PLAG1: variants seen among roughly 807,000 people sequenced by gnomAD.
PLAG1 encodes the protein PLAG1 zinc finger, also known as zinc finger protein PLAG1.
Under a neutral mutation model 35.5 loss-of-function variants are expected in PLAG1, and 7 were observed. That is an observed-to-expected ratio of 0.20 (90% confidence interval 0.11 to 0.37). PLAG1 has a LOEUF of 0.37. Among genes scored for constraint, PLAG1 ranks in the 10% least tolerant of loss-of-function variants. The pLI, the probability that PLAG1 is intolerant of heterozygous loss-of-function variation, is 1.00. For missense variants in PLAG1, 454 were observed against 602.8 expected (o/e 0.75, Z 2.58); for synonymous variants, 229 against 225.4 (o/e 1.02, Z -0.14).
At chr8:56,172,900 G>A (rs1359731731) in intron 2 of PLAG1, among the ~76,000 whole-genome samples, 1 of 152,154 alleles carries the variant, frequency 6.6e-6, no homozygotes, top group African/African-American at 2.4e-5. Context: ...AAGTTTAAAA[G>A]ACAGTTTATA....
rs1043551986 is a variant in PLAG1 at position 56,162,904 on chromosome 8, A to T, written c.*3339T>A. 4.6e-6 allele frequency: 1 copy of T among 217,286 alleles called. No homozygotes were observed. The highest frequency in any genetic ancestry group is 5.8e-5 in the Admixed American group (1 of 17,256). The allele number at this position is 217,286 out of a possible 1,614,324, so 13.5% of individuals were successfully genotyped here. ...AATAGGCAAAAATACACAGCTTGAA[A>T]GAAACACTAAATGAAATAAAAAAGT... is the stretch of plus-strand genomic sequence containing the variant. On this transcript the variant is annotated 3_prime_UTR_variant, in exon 5 of 5. Coordinates refer to ENST00000316981, the MANE Select transcript of PLAG1 (RefSeq NM_002655.3).
chr8:56,193,695 C>CTTT lies in PLAG1; in HGVS notation c.-321-14185_-321-14183dup, dbSNP rs760038291. On this transcript the variant is annotated intron_variant, in intron 1 of 4. Transcript: ENST00000316981. ...ACAGTCAGATCTTTCATTAGGTAAA[C>CTTT]TTTTTTTTTTTTTTTTTTTTGAGAC... 1.9e-3 allele frequency among the ~76,000 whole-genome samples: 253 copies of CTTT among 130,790 alleles called. 4 individuals are homozygous for CTTT. The highest frequency in any genetic ancestry group is 0.01 in the East Asian group (44 of 4,258). The allele number at this position is 130,790 out of a possible 152,430, so 85.8% of individuals were successfully genotyped here. A position where few individuals can be genotyped will look rare whatever the true frequency, so the allele number is the denominator to read the frequency against.
chr8:56,176,744 T>C (rs1159379439), intron 2 of PLAG1, among the ~76,000 whole-genome samples: 1 of 152,044 alleles, frequency 6.6e-6, no homozygotes, highest in African/African-American at 2.4e-5. Context: ...ACAGGTCAGC[T>C]CAATCTGAAA....
intron 1 of PLAG1, among the ~76,000 whole-genome samples, chr8:56,198,218 C>T (rs556513028): frequency 2.0e-4 from 31 of 152,344 alleles, no homozygotes; most frequent in African/African-American, 2.6e-4. Flanking sequence ...GAGGACAGCA[C>T]GTGGTCCTTG....
chr8:56,199,711 G>A (rs1350618139), intron 1 of PLAG1, among the ~76,000 whole-genome samples: 1 of 151,042 alleles, frequency 6.6e-6, no homozygotes, highest in Non-Finnish European at 1.5e-5. Flanking sequence ...CCTGGCACTA[G>A]GCAGTACGTC....
chr8:56,199,040 C>A (rs1164603868), intron 1 of PLAG1, among the ~76,000 whole-genome samples: 1 of 152,204 alleles, frequency 6.6e-6, no homozygotes, highest in East Asian at 1.9e-4. Flanking sequence ...GAGGTAGAGA[C>A]TAAGGCTTCA....
chr8:56,198,444 G>A (rs1812447916), intron 1 of PLAG1, among the ~76,000 whole-genome samples: 1 of 152,214 alleles, frequency 6.6e-6, no homozygotes, highest in African/African-American at 2.4e-5. Flanking sequence ...TGTGCAGAGG[G>A]CAGCACAGAT....
chr8:56,190,121 G>A (rs111940206), intron 1 of PLAG1, among the ~76,000 whole-genome samples: 2,491 of 152,304 alleles, frequency 0.016, 36 homozygotes, highest in Non-Finnish European at 0.026. Context: ...TATGAAGTGA[G>A]ATAATGAAGC....
Position 56,165,320 on chromosome 8 carries a change from AT to A in PLAG1, c.*922del, listed in dbSNP as rs1811322515. On this transcript the variant is annotated 3_prime_UTR_variant, in exon 5 of 5. Transcript: ENST00000316981. ...CACACCTCATGGCTGCAGTTCCACAATGGCTCTAGATTATGGACTAACCGTG... is the reference window on the plus strand; with the variant it reads ...CACACCTCATGGCTGCAGTTCCACAAGGCTCTAGATTATGGACTAACCGTG... 1 of 214,342 alleles carries A rather than the reference AT, an allele frequency of 4.7e-6. No individual in the cohort carries two copies. The highest frequency in any genetic ancestry group is 5.8e-5 in the Admixed American group (1 of 17,140). 13.3% of individuals were successfully genotyped at this position (214,342 alleles called of 1,614,324 possible).
rs545217552 is a variant in PLAG1, at chr8:56,168,040, T to C, written c.230A>G (p.Tyr77Cys). 10 of 1,552,610 alleles carry C rather than the reference T, an allele frequency of 6.4e-6. No individual in the cohort carries two copies. Among genetic ancestry groups the C allele is most frequent in the Non-Finnish European group, 8.8e-6 (10 of 1,131,572 alleles). Residue 77 changes from tyrosine (Y) to cysteine (C), a missense_variant, in exon 4 of 5, where the codon TAC becomes TGC. Physicochemically the swap from Tyr to Cys is radical, Grantham distance 194 (BLOSUM62 -2). This residue lies in a region of PLAG1 where 170 missense variants were observed against 226.3 expected (regional missense o/e 0.75). Transcript: ENST00000316981. ...QDCTKAFVSKYKLQRHMATHS... is the reference protein window; with the variant it reads ...QDCTKAFVSKCKLQRHMATHS... ...TAGAGTTTAATACCTTTGTAATTTGTACTTAGAAACAAAGGCCTTGGTGCA... is the reference window on the plus strand; with the variant it reads ...TAGAGTTTAATACCTTTGTAATTTGCACTTAGAAACAAAGGCCTTGGTGCA...
intron 1 of PLAG1, among the ~76,000 whole-genome samples, chr8:56,203,066 T>C (rs1003481959): frequency 6.6e-6 from 1 of 152,212 alleles, no homozygotes; most frequent in African/African-American, 2.4e-5. Flanking sequence ...CTTTGAAGAA[T>C]AATGAAAATA....
At chr8:56,175,363 G>C (rs1811653779) in intron 2 of PLAG1, among the ~76,000 whole-genome samples, 1 of 152,158 alleles carries the variant, frequency 6.6e-6, no homozygotes, top group African/African-American at 2.4e-5. Flanking sequence ...CTCTCAGTTG[G>C]GGCTGCTGGT....
At chr8:56,174,476 A>T (rs1811630744) in intron 2 of PLAG1, among the ~76,000 whole-genome samples, 1 of 152,194 alleles carries the variant, frequency 6.6e-6, no homozygotes, top group Non-Finnish European at 1.5e-5. Flanking sequence ...AAATAACAGG[A>T]AAAAAACTAT....
At chr8:56,176,046 C>CTTTTTTTTT (rs1309523141) in intron 2 of PLAG1, among the ~76,000 whole-genome samples, 8 of 130,102 alleles carry the variant, frequency 6.1e-5, no homozygotes, top group African/African-American at 1.4e-4. Context: ...TTTTCCTTTT[C>CTTTTTTTTT]TTTTTTTTTT....
intron 2 of PLAG1, among the ~76,000 whole-genome samples, chr8:56,176,640 T>C (rs1248211653): frequency 2.0e-5 from 3 of 151,710 alleles, no homozygotes; most frequent in Non-Finnish European, 4.4e-5. Context: ...TAATCAATAC[T>C]CTATTTTTAG....
rs1169155388 is a variant in PLAG1, at chr8:56,161,143, A to G, written c.*5100T>C. On this transcript the variant is annotated 3_prime_UTR_variant, in exon 5 of 5. Coordinates refer to ENST00000316981, the MANE Select transcript of PLAG1 (RefSeq NM_002655.3). ...GTGATTGCTATTTTACAGAGCTTAT[A>G]CACACACAAAAAATATGATCTTTGT... is the stretch of plus-strand genomic sequence containing the variant. 5.3e-6 allele frequency: 1 copy of G among 190,270 alleles called. No individual in the cohort carries two copies. The highest frequency in any genetic ancestry group is 8.5e-5 in the East Asian group (1 of 11,826). 11.8% of individuals were successfully genotyped at this position (190,270 alleles called of 1,614,324 possible).
chr8:56,199,142 G>A (rs976258357), intron 1 of PLAG1, among the ~76,000 whole-genome samples: 5 of 152,184 alleles, frequency 3.3e-5, no homozygotes, highest in Non-Finnish European at 4.4e-5. Flanking sequence ...GGAATGCTGC[G>A]AACCCTGGGG....
Position 56,165,100 on chromosome 8 carries a change from A to C in PLAG1, c.*1143T>G. ...GCTTTTGATTCTTAAGGGAAAGAAA[A>C]ACATATCAAATTCAGCAAGAAATGA... On this transcript the variant is annotated 3_prime_UTR_variant, in exon 5 of 5. Transcript: ENST00000316981. 4.8e-6 allele frequency: 1 copy of C among 208,634 alleles called. No homozygotes were observed. The highest frequency in any genetic ancestry group is 9.8e-6 in the Non-Finnish European group (1 of 102,386). The allele number at this position is 208,634 out of a possible 1,614,324, so 12.9% of individuals were successfully genotyped here.
chr8:56,206,743 T>A (rs866874738), intron 1 of PLAG1, among the ~76,000 whole-genome samples: 2 of 152,032 alleles, frequency 1.3e-5, no homozygotes, highest in Non-Finnish European at 2.9e-5. Context: ...ACTAAAGGTC[T>A]ACCTTTGTTT....
Sources: allele counts gnomAD v4.1 joint callset (sites outside exome capture counted in the v4.1 genomes callset), GRCh38; gene constraint gnomAD v4.1.1; regional missense constraint gnomAD v4.1.1; transcripts MANE v1.5; gene names NCBI Gene and HGNC (gene_info 2026-07-23, HGNC 2026-07-21).